Variants in ZNF385C observed in about 807,000 individuals in gnomAD.
ZNF385C encodes the protein zinc finger protein 385C, also known as CTD-2132N18.2.
A neutral mutation model predicts 35.4 loss-of-function variants in ZNF385C; 28 were observed. The observed-to-expected ratio is 0.79, with a 90% CI of 0.59 to 1.08. ZNF385C has a LOEUF of 1.08. ZNF385C is among the 50% of genes least tolerant of loss of function. The pLI is 0.00. For synonymous variants in ZNF385C, 248 were observed against 248.2 expected, an observed-to-expected ratio of 1.00 and a Z score of 0.01; for missense variants, 605 against 595.6, an observed-to-expected ratio of 1.02 and a Z score of -0.16.
At chr17:42,086,293 G>A (rs782805517) in intron 1 of ZNF385C, among the ~76,000 whole-genome samples, 2 of 152,092 alleles carry the variant, frequency 1.3e-5, no homozygotes, top group Non-Finnish European at 2.9e-5. Flanking sequence ...TCGGGAGGCC[G>A]AGGCACAAGA....
At chr17:42,092,190 A>G (rs1235923022) in intron 1 of ZNF385C, among the ~76,000 whole-genome samples, 1 of 152,204 alleles carries the variant, frequency 6.6e-6, no homozygotes, top group Non-Finnish European at 1.5e-5. Flanking sequence ...ACCTGAGCTC[A>G]GGAGTTCGAG....
intron 1 of ZNF385C, among the ~76,000 whole-genome samples, chr17:42,081,005 G>A (rs544599374): frequency 1.3e-5 from 2 of 152,340 alleles, no homozygotes; most frequent in South Asian, 2.1e-4. Flanking sequence ...GTGATATAGG[G>A]ATAGCGTCTC....
intron 2 of ZNF385C, among the ~76,000 whole-genome samples, chr17:42,048,684 T>C (rs1398614540): frequency 6.6e-6 from 1 of 152,138 alleles, no homozygotes; most frequent in Non-Finnish European, 1.5e-5. Context: ...CAGAACCTGC[T>C]CCATCCATAG....
intron 2 of ZNF385C, chr17:42,039,878 G>C: frequency 1.2e-5 from 15 of 1,231,306 alleles, no homozygotes; most frequent in Non-Finnish European, 1.5e-5. Flanking sequence ...TCCCGGCTGC[G>C]GCCGACCTTG....
chr17:42,067,415 T>C (rs1076188), intron 1 of ZNF385C, among the ~76,000 whole-genome samples: 5 of 151,866 alleles, frequency 3.3e-5, no homozygotes, highest in Non-Finnish European at 7.4e-5. Flanking sequence ...CAAACCCTGC[T>C]GCTAGGGTTT....
Position 42,037,821 on chromosome 17 carries a change from C to T in ZNF385C, c.315G>A (p.Leu105=). ...AGTGCTTGAAGTCCAGCGGGGGCTG[C>T]AGAGGCCGGGTGGGCAGGGGCAGGG... ...LASLPLPTRP[L]QPPLDFKHLL... Residue 105 remains leucine, a synonymous_variant, in exon 3 of 9, where the codon CTG becomes CTA. Coordinates refer to ENST00000692273, the MANE Select transcript of ZNF385C (RefSeq NM_001392013.1). 1 of 1,521,528 alleles carries T rather than the reference C, an allele frequency of 6.6e-7. No individual in the cohort carries two copies. The highest frequency in any genetic ancestry group is 8.8e-7 in the Non-Finnish European group (1 of 1,133,188). 94.3% of individuals were successfully genotyped at this position (1,521,528 alleles called of 1,614,324 possible). A position where few individuals can be genotyped will look rare whatever the true frequency, so the allele number is the denominator to read the frequency against.
chr17:42,076,677 G>T (rs1555659288), intron 1 of ZNF385C, among the ~76,000 whole-genome samples: 1 of 152,132 alleles, frequency 6.6e-6, no homozygotes, highest in Non-Finnish European at 1.5e-5. Context: ...TAACTTACCT[G>T]CCCAAGGTCA....
intron 5 of ZNF385C, 107 bp downstream of exon 5, chr17:42,031,512 T>C: frequency 7.2e-7 from 1 of 1,385,200 alleles, no homozygotes; most frequent in South Asian, 1.5e-5. Context: ...CCTGTCTGTA[T>C]GGAATACTCC....
chr17:42,028,443 C>T, intron 6 of ZNF385C, 197 bp from the exon 7 acceptor site: 4 of 607,368 alleles, frequency 6.6e-6, no homozygotes, highest in Middle Eastern at 4.4e-4. Flanking sequence ...AAAGGCCTTT[C>T]TGCACTACAA....
intron 1 of ZNF385C, among the ~76,000 whole-genome samples, chr17:42,083,751 C>T (rs1285378642): frequency 1.0e-5 from 1 of 97,420 alleles, no homozygotes; most frequent in Non-Finnish European, 1.8e-5. Flanking sequence ...CAGAGTCTCA[C>T]TCTGTCGCCC....
intron 4 of ZNF385C, among the ~76,000 whole-genome samples, chr17:42,033,769 C>A (rs1318359768): frequency 6.6e-6 from 1 of 151,728 alleles, no homozygotes; most frequent in African/African-American, 2.4e-5. Context: ...CAAAACAAAA[C>A]AAAAAAATCC....
intron 7 of ZNF385C, 49 bp from the exon 8 acceptor site, chr17:42,027,777 C>T (rs933376243): frequency 1.9e-6 from 3 of 1,572,424 alleles, no homozygotes; most frequent in East Asian, 2.2e-5. Flanking sequence ...AGCCCAAGGA[C>T]CCCAAGACCA....
chr17:42,080,318 A>G (rs782114783), intron 1 of ZNF385C, among the ~76,000 whole-genome samples: 2 of 152,140 alleles, frequency 1.3e-5, no homozygotes, highest in Non-Finnish European at 2.9e-5. Context: ...TGGGAAGGAA[A>G]GGCCCTGACT....
rs781999953 is a variant in ZNF385C, at chr17:42,097,464, G to A, written c.-3+946C>T. ...AGCCCCCCTCCCCCCATTGTCACCC[G>A]TGTCTGTCCAAAGGCTTGCGATGAT... On this transcript the variant is annotated intron_variant, in intron 1 of 8. Coordinates refer to ENST00000692273, the MANE Select transcript of ZNF385C (RefSeq NM_001392013.1). Among the ~76,000 whole-genome samples the A allele has an allele frequency of 3.9e-5, 6 of 152,048 alleles. No individual in the cohort carries two copies. The East Asian group carries it at 9.6e-4, about 24-fold the overall frequency.
rs1351716467 is a variant in ZNF385C, at chr17:42,028,908, T to C, written c.842A>G (p.Glu281Gly). 6.4e-6 allele frequency: 10 copies of C among 1,550,472 alleles called. No individual in the cohort carries two copies. The highest frequency in any genetic ancestry group is 8.7e-6 in the Non-Finnish European group (10 of 1,147,008). Residue 281 changes from glutamate to glycine, a missense_variant, in exon 6 of 9, where the codon GAG (glutamate) becomes GGG (glycine). Transcript: ENST00000692273. ...GCTTCCCACGGCAGCTGCCGCTGGC[T>C]CAGGCCCCGGTGCCTCTCTCCCAGG... ...PEPGREAPGP[E>G]PAAAAVGSSM...
chr17:42,076,799 C>T (rs897502787), intron 1 of ZNF385C, among the ~76,000 whole-genome samples: 2 of 152,056 alleles, frequency 1.3e-5, no homozygotes, highest in Non-Finnish European at 2.9e-5. Context: ...TCCCAATATG[C>T]CCAGTAACTT....
rs777509380 is a variant in ZNF385C, at chr17:42,028,856, C to G, written c.894G>C (p.Glu298Asp). ...ACGTGGGGCAGTAGAGGTGCCCCTT[C>G]TCACTCCTGCCTTCCCCACTCATGC... Reference protein sequence around the residue: ...GSSMSGEGRSEKGHLYCPTCK... With the variant: ...GSSMSGEGRSDKGHLYCPTCK... Residue 298 changes from glutamate (E) to aspartate (D), a missense_variant, in exon 6 of 9, where the codon GAG becomes GAC. Transcript: ENST00000692273. 1 of 1,550,616 alleles carries G rather than the reference C, an allele frequency of 6.4e-7. No individual in the cohort carries two copies. Among genetic ancestry groups the G allele is most frequent in the Non-Finnish European group, 8.7e-7 (1 of 1,146,986 alleles).
At chr17:42,044,602 G>C (rs1290235147) in intron 2 of ZNF385C, among the ~76,000 whole-genome samples, 3 of 150,458 alleles carry the variant, frequency 2.0e-5, no homozygotes, top group Non-Finnish European at 4.4e-5. Flanking sequence ...GGCAACAAGA[G>C]CAAAACTCTG....
At chr17:42,072,254 C>T (rs1555658891) in intron 1 of ZNF385C, among the ~76,000 whole-genome samples, 2 of 152,096 alleles carry the variant, frequency 1.3e-5, no homozygotes, top group African/African-American at 4.8e-5. Flanking sequence ...GGAGAATGGT[C>T]CTCTCCTTAG....
Sources: allele counts gnomAD v4.1 joint callset (sites outside exome capture counted in the v4.1 genomes callset), GRCh38; gene constraint gnomAD v4.1.1; transcripts MANE v1.5; gene names NCBI Gene and HGNC (gene_info 2026-07-23, HGNC 2026-07-21).